CNTN3: variants seen among roughly 807,000 people sequenced by gnomAD.
CNTN3 encodes contactin-3.
In CNTN3, 60 loss-of-function variants were observed where a neutral mutation model predicts 119.1. The ratio of observed to expected loss-of-function variants is 0.50; its 90% confidence interval spans 0.41 to 0.62. The LOEUF (loss-of-function observed/expected upper bound fraction) is 0.62, where lower values mean the gene tolerates loss of function less well. CNTN3 is among the 20% of genes least tolerant of loss of function. The probability of loss-of-function intolerance (pLI) is 0.00; values close to 1 mark genes in which losing one functional copy is unlikely to be tolerated. For synonymous variants in CNTN3, 450 were observed against 438.7 expected (o/e 1.03, Z -0.32); for missense variants, 1,101 against 1,242.4 (o/e 0.89, Z 1.71).
At chr3:74,411,645 A>G (rs1268956643) in intron 5 of CNTN3, among the ~76,000 whole-genome samples, 2 of 152,208 alleles carry the variant, frequency 1.3e-5, no homozygotes, top group Non-Finnish European at 2.9e-5. Flanking sequence ...AATGCTGCTC[A>G]ATGTCACCCA....
intron 1 of CNTN3, among the ~76,000 whole-genome samples, chr3:74,607,554 C>A (rs1705013738): frequency 6.6e-6 from 1 of 152,158 alleles, no homozygotes; most frequent in Non-Finnish European, 1.5e-5. Context: ...TTGCTATCTG[C>A]AGAACTTTTC....
intron 4 of CNTN3, among the ~76,000 whole-genome samples, chr3:74,452,922 AT>A (rs896444157): frequency 2.6e-5 from 4 of 151,106 alleles, no homozygotes; most frequent in Non-Finnish European, 4.4e-5. Context: ...GTTTGCCAGT[AT>A]TTTATTGAGG....
rs2106741960 is a variant in CNTN3, at chr3:74,267,262, T to G, written c.2817+4A>C. 6.3e-7 allele frequency: 1 copy of G among 1,594,414 alleles called. No individual in the cohort carries two copies. On this transcript the variant is annotated splice_donor_region_variant and intron_variant, in intron 21 of 22. Transcript: ENST00000263665. ...AATGAAGCATTGCAAATGAGAAAACTTACTTTATATCCTGTTACTTCTGAC... is the reference window on the plus strand; with the variant it reads ...AATGAAGCATTGCAAATGAGAAAACGTACTTTATATCCTGTTACTTCTGAC...
At chr3:74,454,312 T>C in intron 4 of CNTN3, among the ~76,000 whole-genome samples, 1 of 139,214 alleles carries the variant, frequency 7.2e-6, no homozygotes, top group Non-Finnish European at 1.6e-5. Context: ...AAGTCTGTTT[T>C]ATCAGAGACT....
chr3:74,363,844 C>A (rs185570419), intron 10 of CNTN3, among the ~76,000 whole-genome samples: 6 of 152,174 alleles, frequency 3.9e-5, no homozygotes, highest in Admixed American at 2.0e-4. Flanking sequence ...CCTTTCCTTC[C>A]ATTCATTTGT....
intron 1 of CNTN3, among the ~76,000 whole-genome samples, chr3:74,561,081 C>T (rs10222460): frequency 0.039 from 5,885 of 149,686 alleles, 360 homozygotes; most frequent in African/African-American, 0.13. Context: ...ATGTAAATGA[C>T]GAGTTAATGG....
chr3:74,392,529 A>G (rs11926430), intron 5 of CNTN3, among the ~76,000 whole-genome samples: 151,443 of 152,292 alleles, frequency 0.99, 75,302 homozygotes, highest in Non-Finnish European at 1. Flanking sequence ...AAGCCAAAAG[A>G]TGAGATATTA....
At chr3:74,487,557 A>T (rs952363272) in intron 3 of CNTN3, among the ~76,000 whole-genome samples, 5 of 152,184 alleles carry the variant, frequency 3.3e-5, no homozygotes, top group African/African-American at 1.2e-4. Flanking sequence ...ATAGATAATG[A>T]TTTTAATAAA....
intron 5 of CNTN3, among the ~76,000 whole-genome samples, chr3:74,376,941 C>CAAAAAAAAAAAAAAAAAAAAAA (rs34459321): frequency 7.1e-6 from 1 of 140,700 alleles, no homozygotes. Context: ...TGAACAGAGA[C>CAAAAAAAAAAAAAAAAAAAAAA]AAAAAAAAAA....
At chr3:74,440,225 C>T (rs977529172) in intron 4 of CNTN3, among the ~76,000 whole-genome samples, 1 of 152,250 alleles carries the variant, frequency 6.6e-6, no homozygotes, top group South Asian at 2.1e-4. Flanking sequence ...GACAGTTTTC[C>T]AGATCATTCT....
chr3:74,348,331 C>A (rs1302891660), intron 11 of CNTN3, among the ~76,000 whole-genome samples: 1 of 152,118 alleles, frequency 6.6e-6, no homozygotes, highest in East Asian at 1.9e-4. Flanking sequence ...TTTTACTTGT[C>A]AAGTATACCT....
intron 3 of CNTN3, among the ~76,000 whole-genome samples, chr3:74,487,277 G>A (rs1702876548): frequency 6.6e-6 from 1 of 152,116 alleles, no homozygotes. Context: ...AGAGAAGCTG[G>A]TTTTTAAATA....
chr3:74,421,233 T>A (rs910468496), intron 5 of CNTN3, among the ~76,000 whole-genome samples: 1 of 152,046 alleles, frequency 6.6e-6, no homozygotes, highest in African/African-American at 2.4e-5. Flanking sequence ...TGCAGTGGTA[T>A]GATCAGCTCA....
At chr3:74,611,522 C>G (rs1485461131) in intron 1 of CNTN3, among the ~76,000 whole-genome samples, 1 of 152,138 alleles carries the variant, frequency 6.6e-6, no homozygotes, top group Admixed American at 6.5e-5. Flanking sequence ...ATTTACAACA[C>G]TCGATCCATT....
chr3:74,572,324 G>C (rs1201688162), intron 1 of CNTN3, among the ~76,000 whole-genome samples: 1 of 152,074 alleles, frequency 6.6e-6, no homozygotes, highest in African/African-American at 2.4e-5. Context: ...TTCCACATTT[G>C]AAGAAGGAGG....
At chr3:74,610,850 A>G (rs1214821530) in intron 1 of CNTN3, among the ~76,000 whole-genome samples, 1 of 152,156 alleles carries the variant, frequency 6.6e-6, no homozygotes, top group Non-Finnish European at 1.5e-5. Context: ...ATAAGGTCTG[A>G]GTTGTACTAG....
chr3:74,562,936 T>C (rs1253729034), intron 1 of CNTN3, among the ~76,000 whole-genome samples: 2 of 152,270 alleles, frequency 1.3e-5, no homozygotes, highest in Admixed American at 1.3e-4. Flanking sequence ...TAAGAGACAC[T>C]TAGGCAGCCC....
intron 1 of CNTN3, among the ~76,000 whole-genome samples, chr3:74,539,583 G>T (rs1703812682): frequency 6.6e-6 from 1 of 151,852 alleles, no homozygotes; most frequent in South Asian, 2.1e-4. Context: ...AGTTTCTTCT[G>T]GGATGAAAAA....
chr3:74,263,202 T>G lies in CNTN3; in HGVS notation c.*1199A>C, dbSNP rs1323246369. The G allele has an allele frequency of 6.6e-6, 1 of 152,136 alleles. No homozygotes were observed. Among genetic ancestry groups the G allele is most frequent in the Admixed American group, 6.6e-5 (1 of 15,252 alleles). 9.4% of individuals were successfully genotyped at this position (152,136 alleles called of 1,614,324 possible). ...TGAAGTCACGTCTTCAACAATTTTTTGAAAACCACATATTGAAAGACTGAG... is the reference window on the plus strand; with the variant it reads ...TGAAGTCACGTCTTCAACAATTTTTGGAAAACCACATATTGAAAGACTGAG... On this transcript the variant is annotated 3_prime_UTR_variant, in exon 23 of 23. Transcript: ENST00000263665.
Sources: allele counts gnomAD v4.1 joint callset (sites outside exome capture counted in the v4.1 genomes callset), GRCh38; gene constraint gnomAD v4.1.1; transcripts MANE v1.5; gene names NCBI Gene and HGNC (gene_info 2026-07-23, HGNC 2026-07-21).